The following PRR5 variants were observed in gnomAD, a reference collection of about 807,000 sequenced individuals.
PRR5 encodes the protein proline-rich protein 5.
PRR5 carries 25 observed loss-of-function variants against 30.6 expected under a neutral mutation model. The observed-to-expected ratio is 0.82, with a 90% CI of 0.60 to 1.14. The LOEUF is 1.14. Among genes scored for constraint, PRR5 ranks in the 50% most tolerant of loss-of-function variants. The probability of loss-of-function intolerance (pLI) is 0.00; values close to 1 mark genes in which losing one functional copy is unlikely to be tolerated. For missense variants in PRR5, 600 were observed against 547.1 expected, an observed-to-expected ratio of 1.10 and a Z score of -0.96; for synonymous variants, 286 against 247.1, an observed-to-expected ratio of 1.16 and a Z score of -1.48.
At chr22:44,731,197 C>G (rs986949591) in intron 4 of PRR5, 3 of 274,976 alleles carry the variant, frequency 1.1e-5, no homozygotes, top group African/African-American at 6.7e-5. Flanking sequence ...GTGGGTCTCA[C>G]CTGTGTAGGT....
In PRR5 at chr22:44,727,304, G is replaced by A. The variant is rs141753793; in HGVS notation, c.322+670G>A. On this transcript the variant is annotated intron_variant, in intron 4 of 7. Coordinates refer to ENST00000336985, the MANE Select transcript of PRR5 (RefSeq NM_181333.4). The stretch of plus-strand genomic sequence containing the variant: ...GCCTCGGGCAGCAGCAGCAGCGTGC[G>A]CATCCTTGCAGGAGCGAGCTGCCCT... Among the ~76,000 whole-genome samples, 1,066 of 152,206 alleles carry A rather than the reference G, an allele frequency of 7.0e-3. 7 individuals are homozygous for A. The highest frequency in any genetic ancestry group is 0.024 in the African/African-American group (995 of 41,532).
chr22:44,732,445 C>T, intron 6 of PRR5, 54 bp downstream of exon 6: 1 of 1,571,960 alleles, frequency 6.4e-7, no homozygotes, highest in South Asian at 1.1e-5. Context: ...AGTAATTGGG[C>T]TCAGGTCCCC....
upstream of PRR5, among the ~76,000 whole-genome samples, chr22:44,697,324 C>T (rs1371080156): frequency 6.6e-6 from 1 of 152,190 alleles, no homozygotes. Context: ...GGTCACCAAG[C>T]CCTTGGCGTG....
chr22:44,729,955 C>T (rs1487597515), intron 4 of PRR5: 9 of 985,446 alleles, frequency 9.1e-6, no homozygotes, highest in Non-Finnish European at 9.6e-6. Context: ...TTCGGCGGGG[C>T]GGTGAGCATC....
chr22:44,723,664 G>A (rs1930274731), intron 2 of PRR5, among the ~76,000 whole-genome samples: 1 of 152,194 alleles, frequency 6.6e-6, no homozygotes, highest in African/African-American at 2.4e-5. Flanking sequence ...AGGTTGCAGT[G>A]AGCCAAGATC....
intron 1 of PRR5, among the ~76,000 whole-genome samples, chr22:44,711,546 A>G (rs1035377130): frequency 6.6e-6 from 1 of 152,062 alleles, no homozygotes; most frequent in South Asian, 2.1e-4. Flanking sequence ...GTTAATGAAA[A>G]GGAAGGAAGG....
At chr22:44,673,556 T>A (rs1923544749), upstream of PRR5, among the ~76,000 whole-genome samples, 1 of 152,164 alleles carries the variant, frequency 6.6e-6, no homozygotes, top group Admixed American at 6.5e-5. Context: ...GGTGAGGCAT[T>A]TGGGTCTGAT....
chr22:44,728,256 G>A (rs1010779930), intron 4 of PRR5, among the ~76,000 whole-genome samples: 8 of 152,208 alleles, frequency 5.3e-5, no homozygotes, highest in African/African-American at 1.9e-4. Context: ...GGAGTCTGAG[G>A]CCCTGGCCTC....
At chr22:44,695,923 C>CTTTTTATTTT (rs1925704615) in intron 1 of PRR5, among the ~76,000 whole-genome samples, 3 of 73,346 alleles carry the variant, frequency 4.1e-5, no homozygotes, top group African/African-American at 1.7e-4. Context: ...ATTCTGACAA[C>CTTTTTATTTT]TTTTTTTTTT....
At chr22:44,715,603 C>G (rs1928935479) in intron 2 of PRR5, among the ~76,000 whole-genome samples, 1 of 152,070 alleles carries the variant, frequency 6.6e-6, no homozygotes, top group South Asian at 2.1e-4. Context: ...TGATGAGCCT[C>G]TGCTTCAGGA....
At chr22:44,703,141 C>T (rs868847215) in intron 1 of PRR5, among the ~76,000 whole-genome samples, 2 of 152,158 alleles carry the variant, frequency 1.3e-5, no homozygotes, top group Admixed American at 1.3e-4. Flanking sequence ...GAGGACTCTC[C>T]TCCAGGGGTC....
intron 2 of PRR5, among the ~76,000 whole-genome samples, chr22:44,721,419 C>G (rs1030546530): frequency 5.9e-5 from 9 of 152,174 alleles, no homozygotes; most frequent in African/African-American, 2.2e-4. Context: ...CCTATGCAAA[C>G]ATCCGATTGG....
In PRR5 at chr22:44,726,530, C is replaced by T. The variant is rs771848139; in HGVS notation, c.265-47C>T. 10 of 1,613,194 alleles carry T rather than the reference C, an allele frequency of 6.2e-6. No homozygotes were observed. The East Asian group carries it at 2.2e-4, about 36-fold the overall frequency. On this transcript the variant is annotated intron_variant, in intron 3 of 7. Transcript: ENST00000336985. Reference sequence around the variant, plus strand: ...GGGGGCCCTGCTGGCCAGGACACCCCCGGGCATCCACAAGGGCGGTGACAG... The same window carrying T: ...GGGGGCCCTGCTGGCCAGGACACCCTCGGGCATCCACAAGGGCGGTGACAG...
chr22:44,730,772 C>A, intron 4 of PRR5: 1 of 729,116 alleles, frequency 1.4e-6, no homozygotes, highest in Non-Finnish European at 1.9e-6. Context: ...CTCCGTGGAT[C>A]CCCAGACCTG....
At chr22:44,705,511 G>A (rs995122296) in intron 1 of PRR5, among the ~76,000 whole-genome samples, 6 of 152,012 alleles carry the variant, frequency 3.9e-5, no homozygotes, top group Non-Finnish European at 5.9e-5. Flanking sequence ...TTTTAGTAGA[G>A]ACGGGGTTTT....
intron 1 of PRR5, among the ~76,000 whole-genome samples, chr22:44,680,847 G>C (rs1050346256): frequency 2.6e-5 from 4 of 152,242 alleles, no homozygotes; most frequent in Non-Finnish European, 5.9e-5. Context: ...GACAGAGGAA[G>C]GAGCCAAGGT....
intron 1 of PRR5, among the ~76,000 whole-genome samples, chr22:44,680,375 G>T (rs1038532814): frequency 6.6e-6 from 1 of 152,132 alleles, no homozygotes; most frequent in African/African-American, 2.4e-5. Context: ...ACCCTAAAGT[G>T]CACGTTTAGT....
chr22:44,726,243 AC>A (rs1920944963), intron 3 of PRR5, among the ~76,000 whole-genome samples: 1 of 152,072 alleles, frequency 6.6e-6, no homozygotes, highest in South Asian at 2.1e-4. Context: ...AATCAGAGTC[AC>A]CTCTTGATGC....
chr22:44,678,184 C>CT (rs757126448), intron 1 of PRR5, among the ~76,000 whole-genome samples: 60 of 152,260 alleles, frequency 3.9e-4, no homozygotes, highest in Non-Finnish European at 7.2e-4. Context: ...GCCCTTGTTG[C>CT]ACCCGCTCAC....
Sources: allele counts gnomAD v4.1 joint callset (sites outside exome capture counted in the v4.1 genomes callset), GRCh38; gene constraint gnomAD v4.1.1; transcripts MANE v1.5; gene names NCBI Gene and HGNC (gene_info 2026-07-23, HGNC 2026-07-21).